ZCCHC24: variants seen among roughly 807,000 people sequenced by gnomAD.
ZCCHC24 encodes zinc finger CCHC-type containing 24, also known as zinc finger CCHC domain-containing protein 24.
A neutral mutation model predicts 26.2 loss-of-function variants in ZCCHC24; 10 were observed. That is an observed-to-expected ratio of 0.38 (90% CI 0.24 to 0.65). ZCCHC24 has a LOEUF of 0.65. Ranked by LOEUF, ZCCHC24 falls within the 30% of genes least tolerant of loss-of-function variation. The pLI is 0.54. For synonymous variants in ZCCHC24, 144 were observed against 147.1 expected, an observed-to-expected ratio of 0.98 and a Z score of 0.15; for missense variants, 243 against 329.1, an observed-to-expected ratio of 0.74 and a Z score of 2.03.
At position 79,445,620 on chromosome 10, in the gene ZCCHC24, C is replaced by A. The variant is rs977796583; in HGVS notation, c.-180G>T. 4.3e-5 allele frequency: 16 copies of A among 368,702 alleles called. No individual in the cohort carries two copies. Among genetic ancestry groups the A allele is most frequent in the Admixed American group, 3.2e-4 (5 of 15,660 alleles). 22.8% of individuals were successfully genotyped at this position (368,702 alleles called of 1,614,324 possible). A position where few individuals can be genotyped will look rare whatever the true frequency, so the allele number is the denominator to read the frequency against. On this transcript the variant is annotated 5_prime_UTR_variant, in exon 1 of 4. Coordinates refer to ENST00000372336, the MANE Select transcript of ZCCHC24 (RefSeq NM_153367.4). ...CGCTGCCGCTGCCGCCGCCTCCCCC[C>A]GACTGCGGCCCCGGCGCGCGCAGGC...
chr10:79,421,012 G>A (rs1856926363), intron 2 of ZCCHC24, among the ~76,000 whole-genome samples: 2 of 152,136 alleles, frequency 1.3e-5, no homozygotes, highest in Non-Finnish European at 2.9e-5. Flanking sequence ...GCTACAAGGC[G>A]GCGCCAGGGG....
chr10:79,439,788 C>A (rs1334916743), intron 1 of ZCCHC24, among the ~76,000 whole-genome samples: 1 of 122,842 alleles, frequency 8.1e-6, no homozygotes, highest in African/African-American at 3.7e-5. Context: ...GAGCCAGACT[C>A]CATCAAAAAA....
Position 79,423,412 on chromosome 10 carries a change from G to A in ZCCHC24, c.447+9146C>T, listed in dbSNP as rs531446446. On this transcript the variant is annotated intron_variant, in intron 2 of 3. Coordinates refer to ENST00000372336, the MANE Select transcript of ZCCHC24 (RefSeq NM_153367.4). ...CTAAAAATTCAAAAATTAGCCAGGC[G>A]TAGTGGCGGGCGCCTGTAATCCCAG... 1.3e-4 allele frequency among the ~76,000 whole-genome samples: 20 copies of A among 151,042 alleles called. No homozygotes were observed. The East Asian group carries it at 3.0e-3, about 22-fold the overall frequency.
At chr10:79,437,357 G>T (rs1161097870) in intron 1 of ZCCHC24, among the ~76,000 whole-genome samples, 1 of 152,178 alleles carries the variant, frequency 6.6e-6, no homozygotes, top group Non-Finnish European at 1.5e-5. Context: ...TCGGCCTGTG[G>T]TTTACTCTGA....
chr10:79,399,585 AAGGACAC>A (rs1856602548), intron 2 of ZCCHC24, among the ~76,000 whole-genome samples: 1 of 152,180 alleles, frequency 6.6e-6, no homozygotes, highest in Admixed American at 6.5e-5. Context: ...GGACTCACTC[AAGGACAC>A]ACTCAGTAAA....
intron 1 of ZCCHC24, among the ~76,000 whole-genome samples, chr10:79,441,524 G>C (rs1486539286): frequency 6.6e-6 from 1 of 152,062 alleles, no homozygotes; most frequent in Non-Finnish European, 1.5e-5. Context: ...CAACAATGAA[G>C]AGGTTTTCCA....
intron 1 of ZCCHC24, among the ~76,000 whole-genome samples, chr10:79,442,061 A>T (rs1346538277): frequency 6.6e-6 from 1 of 152,198 alleles, no homozygotes; most frequent in East Asian, 1.9e-4. Flanking sequence ...CCCCTACTCC[A>T]TCTAAGAACT....
At chr10:79,431,113 G>C (rs1857120855) in intron 2 of ZCCHC24, among the ~76,000 whole-genome samples, 1 of 152,234 alleles carries the variant, frequency 6.6e-6, no homozygotes, top group Admixed American at 6.5e-5. Flanking sequence ...TTCCCAGGCT[G>C]TAGGCAGGGG....
chr10:79,439,860 G>C (rs1240468271), intron 1 of ZCCHC24, among the ~76,000 whole-genome samples: 4 of 151,774 alleles, frequency 2.6e-5, no homozygotes, highest in Admixed American at 6.6e-5. Flanking sequence ...GCTCACAGCA[G>C]CTGGAAAGAG....
intron 1 of ZCCHC24, among the ~76,000 whole-genome samples, chr10:79,438,102 C>G (rs1857239682): frequency 6.6e-6 from 1 of 152,172 alleles, no homozygotes; most frequent in South Asian, 2.1e-4. Context: ...TCCTGCTCCC[C>G]AGGCCTGAGA....
chr10:79,391,754 T>G (rs1856483265), intron 3 of ZCCHC24, among the ~76,000 whole-genome samples: 2 of 151,632 alleles, frequency 1.3e-5, no homozygotes, highest in Non-Finnish European at 2.9e-5. Context: ...ATCAGAGCTG[T>G]CTTACATCTC....
chr10:79,396,023 C>T (rs1053276816), intron 2 of ZCCHC24, among the ~76,000 whole-genome samples: 6 of 152,232 alleles, frequency 3.9e-5, no homozygotes, highest in Non-Finnish European at 5.9e-5. Context: ...CCTTATCCCA[C>T]ACAGCCCTAG....
In ZCCHC24 at chr10:79,437,961, C is replaced by T. The variant is rs7097876; in HGVS notation, c.247-5203G>A. Among the ~76,000 whole-genome samples, 1,372 of 152,256 alleles carry T rather than the reference C, an allele frequency of 9.0e-3. 19 individuals carry two copies. The highest frequency in any genetic ancestry group is 0.032 in the African/African-American group (1,313 of 41,554). On this transcript the variant is annotated intron_variant, in intron 1 of 3. Coordinates refer to ENST00000372336, the MANE Select transcript of ZCCHC24 (RefSeq NM_153367.4). ...GAGGGCACAGAAACAGGACAAGAGA[C>T]AGATAGGAGAGGCAGTGACAGCAGG... is the stretch of plus-strand genomic sequence containing the variant.
At chr10:79,436,561 G>A (rs1054201987) in intron 1 of ZCCHC24, among the ~76,000 whole-genome samples, 10 of 152,196 alleles carry the variant, frequency 6.6e-5, no homozygotes, top group Admixed American at 1.3e-4. Context: ...CTCTGAAGTC[G>A]CTCTCTAATC....
intron 3 of ZCCHC24, among the ~76,000 whole-genome samples, chr10:79,393,967 C>T (rs1024106052): frequency 2.0e-5 from 3 of 152,178 alleles, no homozygotes; most frequent in Admixed American, 6.5e-5. Context: ...TGACACTGGC[C>T]GACTGGATGG....
intron 2 of ZCCHC24, among the ~76,000 whole-genome samples, chr10:79,413,611 AGACCTGGG>A: frequency 6.6e-6 from 1 of 152,360 alleles, no homozygotes; most frequent in East Asian, 1.9e-4. Context: ...GCAGAAAGCC[AGACCTGGG>A]CCTGACTAGC....
rs1196318378 is a variant in ZCCHC24 at position 79,445,317 on chromosome 10, G to A, written c.124C>T (p.Pro42Ser). ...HQASAFDAFR[P>S]EPTAGAAPPE... is the part of the protein sequence containing the mutation. ...GGTGCGGCGCCGGCGGTCGGCTCGGGCCGGAAGGCATCGAAGGCGCTAGCC... is the reference window on the plus strand; with the variant it reads ...GGTGCGGCGCCGGCGGTCGGCTCGGACCGGAAGGCATCGAAGGCGCTAGCC... The change falls in exon 1 of 4, where the codon CCC becomes TCC. Residue 42 changes from proline (P) to serine (S), a missense_variant. Physicochemically the swap from Pro to Ser is moderately conservative, Grantham distance 74. Around this residue, in one of 2 missense-constraint regions of ZCCHC24, gnomAD observed 147 missense variants for 150.8 expected, o/e 0.97. Coordinates refer to ENST00000372336, the MANE Select transcript of ZCCHC24 (RefSeq NM_153367.4). The A allele has an allele frequency of 1.3e-6, 2 of 1,516,548 alleles. No individual in the cohort carries two copies. Among genetic ancestry groups the A allele is most frequent in the Non-Finnish European group, 1.8e-6 (2 of 1,134,166 alleles). 93.9% of individuals were successfully genotyped at this position (1,516,548 alleles called of 1,614,324 possible).
In ZCCHC24 at chr10:79,445,458, G is replaced by A; in HGVS notation, c.-18C>T. On this transcript the variant is annotated 5_prime_UTR_variant, in exon 1 of 4. Coordinates refer to ENST00000372336, the MANE Select transcript of ZCCHC24 (RefSeq NM_153367.4). ...AGGCTCATTTTGTGGCGGCGGTGCC[G>A]GCCCCTCCCCGGCCGCCCGCTCGCG... 3 of 1,398,224 alleles carry A rather than the reference G, an allele frequency of 2.1e-6. No individual in the cohort carries two copies. The highest frequency in any genetic ancestry group is 3.1e-5 in the East Asian group (1 of 32,388). 86.6% of individuals were successfully genotyped at this position (1,398,224 alleles called of 1,614,324 possible). A position where few individuals can be genotyped will look rare whatever the true frequency, so the allele number is the denominator to read the frequency against.
At chr10:79,394,978 C>T (rs1856526323) in intron 2 of ZCCHC24, among the ~76,000 whole-genome samples, 1 of 152,238 alleles carries the variant, frequency 6.6e-6, no homozygotes. Context: ...ATGACATGCA[C>T]ATTTGTACAT....
Sources: allele counts gnomAD v4.1 joint callset (sites outside exome capture counted in the v4.1 genomes callset), GRCh38; gene constraint gnomAD v4.1.1; regional missense constraint gnomAD v4.1.1; transcripts MANE v1.5; gene names NCBI Gene and HGNC (gene_info 2026-07-23, HGNC 2026-07-21).